Variants in HMGCLL1 observed in about 807,000 individuals in gnomAD.
HMGCLL1 encodes the protein 3-hydroxymethyl-3-methylglutaryl-CoA lyase, cytoplasmic.
In HMGCLL1, 36 loss-of-function variants were observed where a neutral mutation model predicts 39.1. The ratio of observed to expected loss-of-function variants is 0.92; its 90% CI spans 0.71 to 1.22. The LOEUF (loss-of-function observed/expected upper bound fraction) is 1.22, where lower values mean the gene tolerates loss of function less well. Among genes scored for constraint, HMGCLL1 ranks in the 50% most tolerant of loss-of-function variants. The pLI, the probability that HMGCLL1 is intolerant of heterozygous loss-of-function variation, is 0.00. For missense variants in HMGCLL1, 451 were observed against 416.5 expected (o/e 1.08, Z -0.72); for synonymous variants, 149 against 144.0 (o/e 1.03, Z -0.25).
At chr6:55,521,370 CT>C (rs1319890902) in intron 3 of HMGCLL1, among the ~76,000 whole-genome samples, 1 of 151,778 alleles carries the variant, frequency 6.6e-6, no homozygotes, top group African/African-American at 2.4e-5. Flanking sequence ...TACAGCAGAC[CT>C]AGCTTTATTC....
intron 7 of HMGCLL1, among the ~76,000 whole-genome samples, chr6:55,463,025 CTTTCT>C: frequency 8.3e-6 from 1 of 119,792 alleles, no homozygotes; most frequent in African/African-American, 3.6e-5. Flanking sequence ...TTTCTTTTTT[CTTTCT>C]TTTTTTTTTT....
chr6:55,542,017 A>T, intron 2 of HMGCLL1, 43 bp downstream of exon 2: 1 of 1,254,178 alleles, frequency 8.0e-7, no homozygotes, highest in African/African-American at 1.5e-5. Flanking sequence ...TCTTAAATTT[A>T]TTAATTTGTA....
intron 7 of HMGCLL1, among the ~76,000 whole-genome samples, chr6:55,468,556 A>G (rs1175236065): frequency 6.6e-6 from 1 of 151,942 alleles, no homozygotes; most frequent in Non-Finnish European, 1.5e-5. Flanking sequence ...CTGTTAGCTG[A>G]GGAATGGAGC....
intron 5 of HMGCLL1, among the ~76,000 whole-genome samples, chr6:55,504,743 C>T (rs1260610471): frequency 6.6e-6 from 1 of 151,480 alleles, no homozygotes; most frequent in Non-Finnish European, 1.5e-5. Context: ...ATATTGAGGG[C>T]CTACTGTATT....
At chr6:55,615,615 C>A in the HMGCLL1 span, among the ~76,000 whole-genome samples, 1 of 152,098 alleles carries the variant, frequency 6.6e-6, no homozygotes, top group Non-Finnish European at 1.5e-5. Context: ...AAATATATAG[C>A]ATTTGAAATT....
chr6:55,508,458 T>C (rs1407090637), intron 5 of HMGCLL1, among the ~76,000 whole-genome samples: 1 of 151,850 alleles, frequency 6.6e-6, no homozygotes, highest in Admixed American at 6.6e-5. Context: ...CGAATACTTA[T>C]TATTTCCAAA....
chr6:55,582,303 T>G (rs1771999046), upstream of HMGCLL1, among the ~76,000 whole-genome samples: 1 of 152,192 alleles, frequency 6.6e-6, no homozygotes, highest in Admixed American at 6.5e-5. Flanking sequence ...TCTGGCATGT[T>G]GTAGGCAGCC....
intron 7 of HMGCLL1, among the ~76,000 whole-genome samples, chr6:55,448,724 C>G (rs922665800): frequency 2.4e-4 from 36 of 152,148 alleles, no homozygotes; most frequent in Admixed American, 2.4e-3. Context: ...TCCACATTCT[C>G]TAACATCTTG....
chr6:55,503,966 A>C (rs1373125544), intron 5 of HMGCLL1, among the ~76,000 whole-genome samples: 1 of 151,616 alleles, frequency 6.6e-6, no homozygotes, highest in Non-Finnish European at 1.5e-5. Context: ...TCTCCACTTT[A>C]CTTCAATTTC....
intron 7 of HMGCLL1, among the ~76,000 whole-genome samples, chr6:55,478,868 G>A (rs758354202): frequency 1.3e-4 from 20 of 150,522 alleles, no homozygotes; most frequent in Non-Finnish European, 2.1e-4. Context: ...TTTTTTCATG[G>A]TAAATGGATA....
intron 1 of HMGCLL1, among the ~76,000 whole-genome samples, chr6:55,572,943 A>C (rs2127477418): frequency 6.6e-6 from 1 of 152,334 alleles, no homozygotes; most frequent in South Asian, 2.1e-4. Context: ...AGTCAGCAGA[A>C]CTTTTCTTTT....
At chr6:55,654,697 G>T in the HMGCLL1 span, among the ~76,000 whole-genome samples, 3 of 151,912 alleles carry the variant, frequency 2.0e-5, no homozygotes, top group Non-Finnish European at 4.4e-5. Context: ...CTGGAAAACA[G>T]CAGGATAGCT....
chr6:55,524,685 T>C (rs915947669), intron 3 of HMGCLL1, among the ~76,000 whole-genome samples: 1 of 151,852 alleles, frequency 6.6e-6, no homozygotes, highest in Non-Finnish European at 1.5e-5. Flanking sequence ...AACTGAATGA[T>C]CCCAGAGACT....
chr6:55,574,844 T>C (rs1771686172), intron 1 of HMGCLL1, among the ~76,000 whole-genome samples: 2 of 152,188 alleles, frequency 1.3e-5, no homozygotes, highest in South Asian at 4.1e-4. Flanking sequence ...AACTTTACGC[T>C]GAATCATAAT....
chr6:55,650,313 CCTGT>C, the HMGCLL1 span, among the ~76,000 whole-genome samples: 1 of 151,102 alleles, frequency 6.6e-6, no homozygotes, highest in Non-Finnish European at 1.5e-5. Context: ...CTTGTTTGTG[CCTGT>C]CTTTCTTGGG....
the HMGCLL1 span, among the ~76,000 whole-genome samples, chr6:55,663,158 T>C: frequency 1.3e-5 from 2 of 151,620 alleles, no homozygotes; most frequent in East Asian, 3.9e-4. Flanking sequence ...ATTTTAATGA[T>C]TTTTTTTCTT....
intron 3 of HMGCLL1, among the ~76,000 whole-genome samples, chr6:55,517,511 G>T (rs777068620): frequency 6.6e-6 from 1 of 151,884 alleles, no homozygotes; most frequent in Non-Finnish European, 1.5e-5. Flanking sequence ...ACCAAAACTG[G>T]AATCCTCAAT....
chr6:55,466,464 A>G (rs977247649), intron 7 of HMGCLL1, among the ~76,000 whole-genome samples: 9 of 152,232 alleles, frequency 5.9e-5, no homozygotes, highest in Middle Eastern at 3.4e-3. Context: ...TTTTATTTCT[A>G]CTGCCCCTGG....
intron 3 of HMGCLL1, among the ~76,000 whole-genome samples, chr6:55,538,016 T>C (rs534432661): frequency 6.6e-6 from 1 of 152,310 alleles, no homozygotes; most frequent in East Asian, 1.9e-4. Flanking sequence ...TTTTTCCTTT[T>C]GTCCATCTTT....
Sources: allele counts gnomAD v4.1 joint callset (sites outside exome capture counted in the v4.1 genomes callset), GRCh38; gene constraint gnomAD v4.1.1; transcripts MANE v1.5; gene names NCBI Gene and HGNC (gene_info 2026-07-23, HGNC 2026-07-21).